The following CCSER1 variants were observed in gnomAD, a reference collection of about 807,000 sequenced individuals.
The protein encoded by CCSER1 is coiled-coil serine rich protein 1, also known as serine-rich coiled-coil domain-containing protein 1.
CCSER1 carries 41 observed loss-of-function variants against 82.0 expected under a neutral mutation model. The observed-to-expected ratio is 0.50, with a 90% CI of 0.39 to 0.65. The LOEUF is 0.65. CCSER1 is among the 30% of genes least tolerant of loss of function. The pLI is 0.00. For synonymous variants in CCSER1, 414 were observed against 383.9 expected, an observed-to-expected ratio of 1.08 and a Z score of -0.92; for missense variants, 1,119 against 1,064.2, an observed-to-expected ratio of 1.05 and a Z score of -0.72.
chr4:90,922,978 G>A (rs944962486), intron 8 of CCSER1, among the ~76,000 whole-genome samples: 1 of 152,044 alleles, frequency 6.6e-6, no homozygotes, highest in African/African-American at 2.4e-5. Flanking sequence ...AATCCATTGG[G>A]TCTTTTATTA....
rs1730630627 is a variant in CCSER1 at position 90,290,078 on chromosome 4, G to T, written c.-41-18166G>T. Among the ~76,000 whole-genome samples the T allele has an allele frequency of 2.6e-5, 4 of 151,590 alleles. No individual in the cohort carries two copies. In the South Asian group the frequency reaches 8.3e-4, roughly 32 times the overall value. On this transcript the variant is annotated intron_variant, in intron 1 of 10. Transcript: ENST00000509176. ...TTTATATAATCAAATCTGGGTAATT[G>T]GAATACTCATTATCTTAAATATTTA... is the stretch of plus-strand genomic sequence containing the variant.
chr4:90,942,609 GCA>G (rs1021379459), intron 9 of CCSER1, among the ~76,000 whole-genome samples: 1 of 151,624 alleles, frequency 6.6e-6, no homozygotes, highest in African/African-American at 2.4e-5. Flanking sequence ...TTATATATGG[GCA>G]CACACACACT....
chr4:90,182,086 AG>A (rs1733832169), intron 1 of CCSER1, among the ~76,000 whole-genome samples: 1 of 152,156 alleles, frequency 6.6e-6, no homozygotes, highest in South Asian at 2.1e-4. Flanking sequence ...TTTGAGAAAA[AG>A]GTTTTTATAT....
chr4:91,571,435 A>G (rs1474459924), intron 10 of CCSER1, among the ~76,000 whole-genome samples: 1 of 152,174 alleles, frequency 6.6e-6, no homozygotes, highest in Non-Finnish European at 1.5e-5. Flanking sequence ...TTTATAAAGA[A>G]AAGAGATTTA....
At chr4:90,932,546 G>A (rs985343404) in intron 9 of CCSER1, among the ~76,000 whole-genome samples, 1 of 151,968 alleles carries the variant, frequency 6.6e-6, no homozygotes, top group Non-Finnish European at 1.5e-5. Flanking sequence ...GAAACACTTA[G>A]AGCCCAGCGC....
rs537246201 is a variant in CCSER1, at chr4:91,337,748, A to T, written c.2217+251754A>T. 3.9e-5 allele frequency among the ~76,000 whole-genome samples: 6 copies of T among 152,220 alleles called. No homozygotes were observed. The South Asian group carries it at 1.2e-3, about 32-fold the overall frequency. ...ACACAGACCCTTTCAAGAACTAGGG[A>T]TATTCTGTAGACACTCTCTGGGTGA... is the stretch of plus-strand genomic sequence containing the variant. On this transcript the variant is annotated intron_variant, in intron 10 of 10. Coordinates refer to ENST00000509176, the MANE Select transcript of CCSER1 (RefSeq NM_001145065.2).
intron 4 of CCSER1, among the ~76,000 whole-genome samples, chr4:90,437,824 T>C (rs936747677): frequency 6.6e-6 from 1 of 152,148 alleles, no homozygotes; most frequent in African/African-American, 2.4e-5. Flanking sequence ...ATATTAATAA[T>C]ATTAGTATAC....
chr4:91,283,415 G>A (rs73835114), intron 10 of CCSER1, among the ~76,000 whole-genome samples: 5,589 of 152,060 alleles, frequency 0.037, 148 homozygotes, highest in African/African-American at 0.07. Flanking sequence ...AACTACTAAT[G>A]CACTGCTTAG....
At chr4:91,483,636 A>G (rs1477519813) in intron 10 of CCSER1, among the ~76,000 whole-genome samples, 1 of 152,002 alleles carries the variant, frequency 6.6e-6, no homozygotes, top group East Asian at 1.9e-4. Context: ...GGATTTCACC[A>G]TGTTGGTCAG....
At chr4:90,416,320 ACT>A (rs1755782757) in intron 4 of CCSER1, among the ~76,000 whole-genome samples, 1 of 152,266 alleles carries the variant, frequency 6.6e-6, no homozygotes, top group East Asian at 1.9e-4. Context: ...CCTCACAATA[ACT>A]CTGAGAGAAA....
chr4:90,919,723 A>C (rs1728097744), intron 8 of CCSER1, among the ~76,000 whole-genome samples: 1 of 151,868 alleles, frequency 6.6e-6, no homozygotes, highest in Non-Finnish European at 1.5e-5. Flanking sequence ...GAGAAGAAAA[A>C]TATTTTTATT....
chr4:90,791,832 A>AAAC (rs1554014617), intron 7 of CCSER1, among the ~76,000 whole-genome samples: 18 of 130,622 alleles, frequency 1.4e-4, no homozygotes, highest in East Asian at 7.1e-4. Flanking sequence ...AAAAAAAAAA[A>AAAC]ACACACACAC....
chr4:90,313,587 G>T lies in CCSER1; in HGVS notation c.1509+540G>T, dbSNP rs141885095. ...GAGGTAATCAAGATACCCTATTCCT[G>T]GTCCAAATTGTAGAGCCTGCTTTTA... On this transcript the variant is annotated intron_variant, in intron 3 of 10. Coordinates refer to ENST00000509176, the MANE Select transcript of CCSER1 (RefSeq NM_001145065.2). Among the ~76,000 whole-genome samples, 574 of 152,138 alleles carry T rather than the reference G, an allele frequency of 3.8e-3. 3 individuals carry two copies. Among genetic ancestry groups the T allele is most frequent in the African/African-American group, 0.013 (548 of 41,500 alleles).
intron 5 of CCSER1, among the ~76,000 whole-genome samples, chr4:90,588,600 C>T (rs535112356): frequency 6.6e-6 from 1 of 152,164 alleles, no homozygotes; most frequent in African/African-American, 2.4e-5. Context: ...TCTGCAGCTT[C>T]CTGACCTCTT....
Position 91,108,863 on chromosome 4 carries a change from G to A in CCSER1, c.2217+22869G>A, listed in dbSNP as rs572720608. 8.6e-4 allele frequency among the ~76,000 whole-genome samples: 131 copies of A among 152,292 alleles called. 2 individuals carry two copies. The highest frequency in any genetic ancestry group is 2.9e-3 in the African/African-American group (121 of 41,564). On this transcript the variant is annotated intron_variant, in intron 10 of 10. Transcript: ENST00000509176. ...AAGTATTATTTTTGGGTATGTCTGC[G>A]AGGGTGTTTCTAGAGAAGATTGGCA... is the stretch of plus-strand genomic sequence containing the variant.
intron 1 of CCSER1, among the ~76,000 whole-genome samples, chr4:90,226,615 T>G (rs1234059798): frequency 6.6e-6 from 1 of 152,234 alleles, no homozygotes; most frequent in Non-Finnish European, 1.5e-5. Flanking sequence ...AGAATCCACA[T>G]ATGAATAAAT....
chr4:91,141,012 G>C (rs551040513), intron 10 of CCSER1, among the ~76,000 whole-genome samples: 1 of 152,086 alleles, frequency 6.6e-6, no homozygotes, highest in South Asian at 2.1e-4. Flanking sequence ...CCATGTTTAT[G>C]GTCATGTATG....
intron 4 of CCSER1, among the ~76,000 whole-genome samples, chr4:90,402,819 T>C (rs1340118591): frequency 2.0e-5 from 3 of 152,216 alleles, no homozygotes; most frequent in Non-Finnish European, 2.9e-5. Context: ...TGGTACTGTG[T>C]ACTTCATTAA....
intron 3 of CCSER1, among the ~76,000 whole-genome samples, chr4:90,326,358 C>G (rs912425724): frequency 2.0e-5 from 3 of 152,098 alleles, no homozygotes; most frequent in Non-Finnish European, 2.9e-5. Context: ...CCGTGCCCAG[C>G]CGATAACTTT....
Sources: gnomAD v4.1 joint callset for allele counts (sites outside exome capture counted in the v4.1 genomes callset) on GRCh38, gnomAD v4.1.1 for gene constraint, MANE v1.5 for transcripts, NCBI Gene and HGNC (gene_info 2026-07-23, HGNC 2026-07-21) for gene names.